CD180: variants seen among roughly 807,000 people sequenced by gnomAD.
CD180 encodes the protein CD180 molecule.
A neutral mutation model predicts 10.7 loss-of-function variants in CD180; 11 were observed. The ratio of observed to expected loss-of-function variants is 1.03; its 90% CI spans 0.65 to 1.70. The LOEUF is 1.70. CD180 is among the 40% of genes most tolerant of loss of function. CD180 has a pLI of 0.00. For synonymous variants in CD180, 286 were observed against 294.6 expected, an observed-to-expected ratio of 0.97 and a Z score of 0.30; for missense variants, 729 against 775.2, an observed-to-expected ratio of 0.94 and a Z score of 0.71.
rs755916245 is a variant in CD180, at chr5:67,181,009, TTA to T, written c.*1846_*1847del. On this transcript the variant is annotated 3_prime_UTR_variant, in exon 3 of 3. Coordinates refer to ENST00000256447, the MANE Select transcript of CD180 (RefSeq NM_005582.3). ...GCAAGAATCAGTCTCAAAAAAAAAA[TTA>T]TATATATATATACACACACACATAC... The T allele has an allele frequency of 3.9e-4, 56 of 142,178 alleles. No homozygotes were observed. Among genetic ancestry groups the T allele is most frequent in the Non-Finnish European group, 2.0e-4 (13 of 66,266 alleles). 8.8% of individuals were successfully genotyped at this position (142,178 alleles called of 1,614,324 possible).
intron 1 of CD180, among the ~76,000 whole-genome samples, chr5:67,192,130 C>T (rs1256751461): frequency 6.6e-6 from 1 of 152,146 alleles, no homozygotes; most frequent in East Asian, 1.9e-4. Flanking sequence ...GTGGCTCACG[C>T]CTGTAATCCC....
At chr5:67,196,521 A>G in intron 1 of CD180, 31 bp downstream of exon 1, 1 of 1,612,734 alleles carries the variant, frequency 6.2e-7, no homozygotes, top group Non-Finnish European at 8.5e-7. Flanking sequence ...AGACAGTTTA[A>G]TCTGCATAAA....
At position 67,183,011 on chromosome 5, in the gene CD180, G is replaced by A. The variant is rs762162192; in HGVS notation, c.1832C>T (p.Pro611Leu). Residue 611 changes from proline to leucine, a missense_variant, in exon 3 of 3, where the codon CCA becomes CTA. Pro to Leu is a moderately conservative substitution (Grantham distance 98). Coordinates refer to ENST00000256447, the MANE Select transcript of CD180 (RefSeq NM_005582.3). The part of the protein sequence containing the change: ...GSEETTCANP[P>L]SLRGVKLSDV... ...AGATAGCTTAACTCCCCTTAGAGAT[G>A]GCGGGTTTGCACACGTGGTCTCCTC... is the stretch of plus-strand genomic sequence containing the variant. 6.2e-7 allele frequency: 1 copy of A among 1,614,186 alleles called. No homozygotes were observed. The highest frequency in any genetic ancestry group is 1.3e-5 in the African/African-American group (1 of 75,032).
chr5:67,185,073 C>CACAT (rs1742158859), intron 2 of CD180, among the ~76,000 whole-genome samples: 2 of 151,728 alleles, frequency 1.3e-5, no homozygotes, highest in African/African-American at 4.9e-5. Flanking sequence ...CACACACACA[C>CACAT]ACACACACAC....
rs1466658412 is a variant in CD180 at position 67,182,952 on chromosome 5, C to G, written c.1891G>C (p.Gly631Arg). ...AGAAATACTATGAGAAAGAAAATGC[C>G]TATGGCTGTAATCCCACAGGAAAGC... is the stretch of plus-strand genomic sequence containing the variant. Reference protein sequence around the residue: ...VKLSCGITAIGIFFLIVFLLL... With the variant: ...VKLSCGITAIRIFFLIVFLLL... The change falls in exon 3 of 3, where the codon GGC becomes CGC. Residue 631 changes from glycine to arginine, a missense_variant. Gly to Arg is a moderately radical substitution (Grantham distance 125). Transcript: ENST00000256447. 6.8e-6 allele frequency: 11 copies of G among 1,614,016 alleles called. No homozygotes were observed. The highest frequency in any genetic ancestry group is 8.5e-6 in the Non-Finnish European group (10 of 1,180,016).
At chr5:67,189,267 TTTAC>T (rs1742256309) in intron 1 of CD180, among the ~76,000 whole-genome samples, 1 of 152,216 alleles carries the variant, frequency 6.6e-6, no homozygotes, top group Non-Finnish European at 1.5e-5. Context: ...TTTTGTGTGC[TTTAC>T]TAAGCACTTT....
intron 1 of CD180, among the ~76,000 whole-genome samples, chr5:67,195,161 T>C (rs1177043861): frequency 6.6e-6 from 1 of 152,162 alleles, no homozygotes; most frequent in East Asian, 1.9e-4. Flanking sequence ...CTTGTTTAAG[T>C]CACCTAGTCT....
At position 67,181,784 on chromosome 5, in the gene CD180, C is replaced by T. The variant is rs538901009; in HGVS notation, c.*1073G>A. The T allele has an allele frequency of 6.6e-6, 1 of 152,348 alleles. No individual in the cohort carries two copies. The highest frequency in any genetic ancestry group is 2.1e-4 in the South Asian group (1 of 4,824). 9.4% of individuals were successfully genotyped at this position (152,348 alleles called of 1,614,324 possible). A position where few individuals can be genotyped will look rare whatever the true frequency, so the allele number is the denominator to read the frequency against. On this transcript the variant is annotated 3_prime_UTR_variant, in exon 3 of 3. Transcript: ENST00000256447. ...GTCTATCTGCATTCAGTGGTTCAGGCCCCTGTCCATGGCTGGTGTGACCTT... is the reference window on the plus strand; with the variant it reads ...GTCTATCTGCATTCAGTGGTTCAGGTCCCTGTCCATGGCTGGTGTGACCTT...
At position 67,184,096 on chromosome 5, in the gene CD180, A is replaced by T. The variant is rs765177679; in HGVS notation, c.747T>A (p.Ser249=). The T allele has an allele frequency of 1.2e-6, 2 of 1,614,182 alleles. No individual in the cohort carries two copies. Among genetic ancestry groups the T allele is most frequent in the Non-Finnish European group, 1.7e-6 (2 of 1,180,014 alleles). Residue 249 remains serine, a synonymous_variant, in exon 3 of 3, where the codon TCT becomes TCA. Coordinates refer to ENST00000256447, the MANE Select transcript of CD180 (RefSeq NM_005582.3). ...FNGLQNSTTQ[S]LWLGTFEDID... ...TGTCCTCAAATGTTCCCAGCCAGAG[A>T]GACTGAGTAGTAGAGTTCTGCAGAC...
rs764261269 is a variant in CD180 at position 67,182,844 on chromosome 5, G to C, written c.*13C>G. 1 of 1,568,784 alleles carries C rather than the reference G, an allele frequency of 6.4e-7. No individual in the cohort carries two copies. The highest frequency in any genetic ancestry group is 1.9e-5 in the Admixed American group (1 of 53,428). On this transcript the variant is annotated 3_prime_UTR_variant, in exon 3 of 3. Transcript: ENST00000256447. ...TAAGCACACTTATTTGCTTTCTCTG[G>C]AAACCTTCAGCACTAAATGTGTTGG... is the stretch of plus-strand genomic sequence containing the variant.
chr5:67,186,573 T>C (rs1418111866), intron 1 of CD180, among the ~76,000 whole-genome samples: 2 of 152,158 alleles, frequency 1.3e-5, no homozygotes, highest in Admixed American at 1.3e-4. Flanking sequence ...ATGCACTTGG[T>C]TTTACAGTTT....
chr5:67,191,933 C>T (rs76298174), intron 1 of CD180, among the ~76,000 whole-genome samples: 114 of 152,268 alleles, frequency 7.5e-4, no homozygotes, highest in African/African-American at 2.6e-3. Flanking sequence ...CAATTTTGAT[C>T]CATCTAAATG....
intron 1 of CD180, among the ~76,000 whole-genome samples, chr5:67,193,140 T>A (rs1407231799): frequency 6.6e-6 from 1 of 152,254 alleles, no homozygotes; most frequent in Non-Finnish European, 1.5e-5. Flanking sequence ...GTTTGCGAAC[T>A]GTTCATTGGA....
chr5:67,196,500 T>C (rs1742406375), intron 1 of CD180, 52 bp downstream of exon 1: 1 of 1,596,050 alleles, frequency 6.3e-7, no homozygotes. Flanking sequence ...GTGCTAAATC[T>C]CAAAATTTTC....
Position 67,182,725 on chromosome 5 carries a change from G to T in CD180, c.*132C>A. ...TCACAGGAGTAAGAAGCTCAGAAAA[G>T]CACAGTGAGTCCCTGCCCAGTTCCA... On this transcript the variant is annotated 3_prime_UTR_variant, in exon 3 of 3. Coordinates refer to ENST00000256447, the MANE Select transcript of CD180 (RefSeq NM_005582.3). The T allele has an allele frequency of 1.5e-6, 1 of 687,244 alleles. No individual in the cohort carries two copies. Among genetic ancestry groups the T allele is most frequent in the Non-Finnish European group, 2.4e-6 (1 of 418,052 alleles). 42.6% of individuals were successfully genotyped at this position (687,244 alleles called of 1,614,324 possible).
At chr5:67,190,382 G>A (rs770809015) in intron 1 of CD180, among the ~76,000 whole-genome samples, 5 of 152,232 alleles carry the variant, frequency 3.3e-5, no homozygotes, top group South Asian at 2.1e-4. Flanking sequence ...CATGGCCACC[G>A]CCAGGACCAC....
chr5:67,183,163 G>A lies in CD180; in HGVS notation c.1680C>T (p.Pro560=). Residue 560 remains proline, a synonymous_variant, in exon 3 of 3, where the codon CCC becomes CCT. Transcript: ENST00000256447. Reference sequence around the variant, plus strand: ...GCTGGGACAAGATAGGGAGGAGACGGGGTGAGATGATGTTAATGCTGTTGG... The same window carrying A: ...GCTGGGACAAGATAGGGAGGAGACGAGGTGAGATGATGTTAATGCTGTTGG... ...LAANSINIIS[P]RLLPILSQQS... The A allele has an allele frequency of 6.2e-7, 1 of 1,611,186 alleles. No individual in the cohort carries two copies.
chr5:67,195,995 A>G (rs565375874), intron 1 of CD180, among the ~76,000 whole-genome samples: 2 of 152,312 alleles, frequency 1.3e-5, no homozygotes, highest in Non-Finnish European at 2.9e-5. Context: ...AAATATTGCT[A>G]TGGTCCAAAA....
At chr5:67,191,889 AT>A (rs1275529251) in intron 1 of CD180, among the ~76,000 whole-genome samples, 1 of 152,214 alleles carries the variant, frequency 6.6e-6, no homozygotes, top group Non-Finnish European at 1.5e-5. Context: ...TTAAAAATTA[AT>A]CTTGACTCCT....
Sources: gnomAD v4.1 joint callset for allele counts (sites outside exome capture counted in the v4.1 genomes callset) on GRCh38, gnomAD v4.1.1 for gene constraint, MANE v1.5 for transcripts, NCBI Gene and HGNC (gene_info 2026-07-23, HGNC 2026-07-21) for gene names.